KCNG3: variants seen among roughly 807,000 people sequenced by gnomAD.
KCNG3 encodes the protein voltage-gated potassium channel regulatory subunit KCNG3.
KCNG3 carries 15 observed loss-of-function variants against 29.0 expected under a neutral mutation model. The observed-to-expected ratio is 0.52, with a 90% CI of 0.35 to 0.80. The LOEUF (loss-of-function observed/expected upper bound fraction) is 0.80, where lower values mean the gene tolerates loss of function less well. KCNG3 is among the 30% of genes least tolerant of loss of function. KCNG3 has a pLI of 0.01. For synonymous variants in KCNG3, 322 were observed against 248.9 expected, an observed-to-expected ratio of 1.29 and a Z score of -2.76; for missense variants, 512 against 605.7, an observed-to-expected ratio of 0.85 and a Z score of 1.62.
At chr2:42,400,764 T>G in the KCNG3 span, among the ~76,000 whole-genome samples, 1 of 152,084 alleles carries the variant, frequency 6.6e-6, no homozygotes, top group African/African-American at 2.4e-5. Flanking sequence ...AAAAAAAGAT[T>G]ATCCCACTGG....
chr2:42,419,219 C>CTTTTTTTTTTTTTTTTTTTTTTT, the KCNG3 span, among the ~76,000 whole-genome samples: 6 of 27,736 alleles, frequency 2.2e-4, 2 homozygotes, highest in East Asian at 1.6e-3. Flanking sequence ...GATGGTATCT[C>CTTTTTTTTTTTTTTTTTTTTTTT]TTTTTTTTTT....
At chr2:42,404,709 C>T in the KCNG3 span, among the ~76,000 whole-genome samples, 1 of 152,096 alleles carries the variant, frequency 6.6e-6, no homozygotes, top group Non-Finnish European at 1.5e-5. Context: ...GCCTGGGCAA[C>T]GGAGGAAGAC....
At chr2:42,466,512 T>C (rs1418304753) in intron 1 of KCNG3, among the ~76,000 whole-genome samples, 1 of 152,198 alleles carries the variant, frequency 6.6e-6, no homozygotes, top group Non-Finnish European at 1.5e-5. Context: ...GCTTGTGGCC[T>C]AGGAGCAATA....
At chr2:42,417,796 CCCTGTCT>C in the KCNG3 span, among the ~76,000 whole-genome samples, 7 of 151,860 alleles carry the variant, frequency 4.6e-5, no homozygotes, top group South Asian at 1.5e-3. Context: ...CATGGTGAAA[CCCTGTCT>C]CTGCTAAAAA....
chr2:42,433,566 C>A, the KCNG3 span, among the ~76,000 whole-genome samples: 9 of 152,010 alleles, frequency 5.9e-5, no homozygotes, highest in African/African-American at 2.2e-4. Context: ...TGGTGAAATC[C>A]CGTCTCTACT....
At chr2:42,418,442 C>T in the KCNG3 span, among the ~76,000 whole-genome samples, 5 of 152,084 alleles carry the variant, frequency 3.3e-5, no homozygotes, top group African/African-American at 4.8e-5. Flanking sequence ...GAAAAAATAC[C>T]GCAAATAAAC....
chr2:42,425,587 A>G, the KCNG3 span, among the ~76,000 whole-genome samples: 1 of 152,064 alleles, frequency 6.6e-6, no homozygotes, highest in African/African-American at 2.4e-5. Flanking sequence ...TACTATAAAC[A>G]AACAGCAGCA....
At chr2:42,409,071 G>C in the KCNG3 span, among the ~76,000 whole-genome samples, 1 of 152,140 alleles carries the variant, frequency 6.6e-6, no homozygotes, top group Admixed American at 6.5e-5. Flanking sequence ...GTCTGACTGT[G>C]TGCAGTGGCC....
chr2:42,471,071 G>C (rs562510295), intron 1 of KCNG3, among the ~76,000 whole-genome samples: 2 of 151,766 alleles, frequency 1.3e-5, no homozygotes, highest in East Asian at 3.9e-4. Flanking sequence ...AGGATCACTT[G>C]AGCCTAGGGC....
At chr2:42,483,440 G>A (rs1165688675) in intron 1 of KCNG3, among the ~76,000 whole-genome samples, 1 of 152,190 alleles carries the variant, frequency 6.6e-6, no homozygotes, top group Non-Finnish European at 1.5e-5. Context: ...GCCACTGTTT[G>A]CACTTTTGAA....
intron 1 of KCNG3, among the ~76,000 whole-genome samples, chr2:42,475,018 G>A (rs539037634): frequency 6.6e-6 from 1 of 152,136 alleles, no homozygotes; most frequent in Admixed American, 6.6e-5. Flanking sequence ...TGTGTCCTTA[G>A]CACACAGTAC....
At chr2:42,419,971 C>G in the KCNG3 span, among the ~76,000 whole-genome samples, 3 of 152,166 alleles carry the variant, frequency 2.0e-5, no homozygotes, top group Admixed American at 6.5e-5. Flanking sequence ...GCCTGTAATC[C>G]CAGCACTTTG....
At chr2:42,465,482 G>A (rs112952987) in intron 1 of KCNG3, among the ~76,000 whole-genome samples, 19,537 of 152,076 alleles carry the variant, frequency 0.13, 1,691 homozygotes, top group African/African-American at 0.24. Context: ...CTCCCAAAGT[G>A]CTAGTATTAC....
At chr2:42,456,339 G>T (rs564306855) in intron 1 of KCNG3, among the ~76,000 whole-genome samples, 1 of 151,940 alleles carries the variant, frequency 6.6e-6, no homozygotes, top group Admixed American at 6.6e-5. Flanking sequence ...GTCCAGTCTG[G>T]GCAACATGTC....
chr2:42,471,155 AGTGTGT>A (rs565717729), intron 1 of KCNG3, among the ~76,000 whole-genome samples: 3 of 137,666 alleles, frequency 2.2e-5, no homozygotes, highest in Non-Finnish European at 4.6e-5. Flanking sequence ...GTCTCAAAAA[AGTGTGT>A]GTGTGTGTGT....
intron 1 of KCNG3, among the ~76,000 whole-genome samples, chr2:42,458,313 C>T (rs1276630868): frequency 1.3e-5 from 2 of 152,178 alleles, no homozygotes; most frequent in Non-Finnish European, 2.9e-5. Flanking sequence ...TCTCACTTTC[C>T]CTTAGCAGAC....
the KCNG3 span, among the ~76,000 whole-genome samples, chr2:42,395,439 C>T: frequency 6.6e-6 from 1 of 152,190 alleles, no homozygotes; most frequent in Non-Finnish European, 1.5e-5. Flanking sequence ...CGGTGGCTCA[C>T]ACCTGTAATC....
In KCNG3 at chr2:42,465,989, C is replaced by T. The variant is rs547910427; in HGVS notation, c.666-21410G>A. On this transcript the variant is annotated intron_variant, in intron 1 of 1. Coordinates refer to ENST00000306078, the MANE Select transcript of KCNG3 (RefSeq NM_133329.6). ...ACCAAGTTTGTGAAGTAACTGAAAC[C>T]GTATACAGTCATACACCACATAATG... Among the ~76,000 whole-genome samples, 4 of 152,190 alleles carry T rather than the reference C, an allele frequency of 2.6e-5. No homozygotes were observed. In the South Asian group the frequency reaches 8.3e-4, roughly 32 times the overall value.
At chr2:42,430,087 G>T in the KCNG3 span, among the ~76,000 whole-genome samples, 1 of 152,200 alleles carries the variant, frequency 6.6e-6, no homozygotes, top group African/African-American at 2.4e-5. Context: ...AACTAGGGGG[G>T]CGGACATGGT....
Sources: allele counts gnomAD v4.1 joint callset (sites outside exome capture counted in the v4.1 genomes callset), GRCh38; gene constraint gnomAD v4.1.1; transcripts MANE v1.5; gene names NCBI Gene and HGNC (gene_info 2026-07-23, HGNC 2026-07-21).